GPC6: variants seen among roughly 807,000 people sequenced by gnomAD.
The protein encoded by GPC6 is glypican 6, also known as glypican-6.
Under a neutral mutation model 55.2 loss-of-function variants are expected in GPC6, and 14 were observed. The ratio of observed to expected loss-of-function variants is 0.25; its 90% CI spans 0.17 to 0.40. The LOEUF is 0.40. Among genes scored for constraint, GPC6 ranks in the 10% least tolerant of loss-of-function variants. GPC6 has a pLI of 1.00. For synonymous variants in GPC6, 278 were observed against 259.6 expected, an observed-to-expected ratio of 1.07 and a Z score of -0.68; for missense variants, 641 against 708.5, an observed-to-expected ratio of 0.90 and a Z score of 1.08.
At position 94,091,732 on chromosome 13, in the gene GPC6, A is replaced by C. The variant is rs999232759; in HGVS notation, c.877+63838A>C. Reference sequence around the variant, plus strand: ...CAGTCCCTACCCATTAAAATATGAAAGATGATGATGACCAGAAGATATGGG... The same window carrying C: ...CAGTCCCTACCCATTAAAATATGAACGATGATGATGACCAGAAGATATGGG... On this transcript the variant is annotated intron_variant, in intron 4 of 8. Coordinates refer to ENST00000377047, the MANE Select transcript of GPC6 (RefSeq NM_005708.5). 3.9e-5 allele frequency among the ~76,000 whole-genome samples: 6 copies of C among 152,104 alleles called. No individual in the cohort carries two copies. The South Asian group carries it at 1.2e-3, about 31-fold the overall frequency.
intron 1 of GPC6, among the ~76,000 whole-genome samples, chr13:93,339,463 A>G (rs1209495557): frequency 2.0e-5 from 3 of 151,678 alleles, no homozygotes; most frequent in Non-Finnish European, 4.4e-5. Context: ...AGCTCCAGTC[A>G]GGTCAGCACT....
Position 93,930,275 on chromosome 13 carries a change from G to GTT in GPC6, c.712-97442_712-97441dup, listed in dbSNP as rs35858695. Among the ~76,000 whole-genome samples, 168 of 123,804 alleles carry GTT rather than the reference G, an allele frequency of 1.4e-3. 1 individual carries two copies. The highest frequency in any genetic ancestry group is 1.5e-3 in the African/African-American group (47 of 31,296). 81.2% of individuals were successfully genotyped at this position (123,804 alleles called of 152,430 possible). Reference sequence around the variant, plus strand: ...TTTTAAAGGTTATTGGAAACGAAAGGTTTTTTTTTTTTTGTAGACAGAGTC... The same window carrying GTT: ...TTTTAAAGGTTATTGGAAACGAAAGGTTTTTTTTTTTTTTTGTAGACAGAGTC... On this transcript the variant is annotated intron_variant, in intron 3 of 8. Coordinates refer to ENST00000377047, the MANE Select transcript of GPC6 (RefSeq NM_005708.5).
At chr13:93,718,151 G>A (rs1272850885) in intron 2 of GPC6, among the ~76,000 whole-genome samples, 2 of 151,804 alleles carry the variant, frequency 1.3e-5, no homozygotes, top group African/African-American at 2.4e-5. Context: ...GGGTCAAATG[G>A]TATTTCTAGT....
chr13:93,951,465 GATGAATGA>G (rs541591095), intron 3 of GPC6, among the ~76,000 whole-genome samples: 3 of 151,986 alleles, frequency 2.0e-5, no homozygotes, highest in Admixed American at 1.3e-4. Flanking sequence ...ATGAATAAAT[GATGAATGA>G]ATGAATGAAT....
intron 1 of GPC6, among the ~76,000 whole-genome samples, chr13:93,535,682 A>G (rs1376230752): frequency 7.2e-6 from 1 of 139,508 alleles, no homozygotes; most frequent in East Asian, 2.2e-4. Context: ...ATACTTTTTT[A>G]GGAAAAAAAA....
intron 1 of GPC6, among the ~76,000 whole-genome samples, chr13:93,335,656 A>G (rs1229981618): frequency 6.6e-6 from 1 of 152,210 alleles, no homozygotes; most frequent in Non-Finnish European, 1.5e-5. Flanking sequence ...TGACTTAGAT[A>G]GGCCTTGCAG....
intron 2 of GPC6, among the ~76,000 whole-genome samples, chr13:93,760,752 A>C (rs2138876391): frequency 6.6e-6 from 1 of 152,294 alleles, no homozygotes; most frequent in South Asian, 2.1e-4. Flanking sequence ...AATTCTAGCA[A>C]ATGATTACAT....
At chr13:93,829,004 A>T (rs1422586980) in intron 2 of GPC6, among the ~76,000 whole-genome samples, 1 of 152,154 alleles carries the variant, frequency 6.6e-6, no homozygotes, top group Non-Finnish European at 1.5e-5. Flanking sequence ...CCCAGAAAGG[A>T]GAAGAGTCCT....
chr13:93,239,110 G>A (rs1305634748), intron 1 of GPC6, among the ~76,000 whole-genome samples: 1 of 151,986 alleles, frequency 6.6e-6, no homozygotes, highest in African/African-American at 2.4e-5. Context: ...CATAGGATGA[G>A]TTAGGATTTC....
intron 1 of GPC6, among the ~76,000 whole-genome samples, chr13:93,508,998 G>A (rs1594223743): frequency 6.6e-6 from 1 of 152,158 alleles, no homozygotes; most frequent in Non-Finnish European, 1.5e-5. Flanking sequence ...CCTGTTGAGA[G>A]GTGACTCCAC....
At chr13:93,800,215 T>C (rs1886327294) in intron 2 of GPC6, among the ~76,000 whole-genome samples, 1 of 152,218 alleles carries the variant, frequency 6.6e-6, no homozygotes, top group South Asian at 2.1e-4. Context: ...TGAGATTATA[T>C]ATTTACATGA....
intron 3 of GPC6, among the ~76,000 whole-genome samples, chr13:93,946,565 A>C (rs569288323): frequency 6.6e-6 from 1 of 152,366 alleles, no homozygotes; most frequent in Admixed American, 6.5e-5. Context: ...AAGGACACAC[A>C]GTTTACATCC....
intron 2 of GPC6, among the ~76,000 whole-genome samples, chr13:93,774,360 C>T (rs1360682411): frequency 6.6e-6 from 1 of 152,118 alleles, no homozygotes; most frequent in Non-Finnish European, 1.5e-5. Context: ...TTTCACTTCT[C>T]CTTAGAGCTA....
chr13:93,334,090 T>C (rs1879957205), intron 1 of GPC6, among the ~76,000 whole-genome samples: 1 of 152,140 alleles, frequency 6.6e-6, no homozygotes, highest in Admixed American at 6.5e-5. Context: ...TTTTCATTTA[T>C]TTCTATATAG....
chr13:94,378,301 A>T (rs1476646801), intron 6 of GPC6, among the ~76,000 whole-genome samples: 1 of 152,058 alleles, frequency 6.6e-6, no homozygotes, highest in Non-Finnish European at 1.5e-5. Context: ...CTGTAAACTG[A>T]TTTTTTTAAG....
chr13:93,916,499 A>G (rs1207532325), intron 3 of GPC6, among the ~76,000 whole-genome samples: 2 of 152,032 alleles, frequency 1.3e-5, no homozygotes, highest in Non-Finnish European at 2.9e-5. Context: ...TTATCCCCCA[A>G]ACTCCAACAT....
chr13:93,635,304 C>T (rs967600657), intron 2 of GPC6, among the ~76,000 whole-genome samples: 2 of 151,912 alleles, frequency 1.3e-5, no homozygotes, highest in African/African-American at 4.8e-5. Context: ...CCTTTTGTAA[C>T]GTGGACACAT....
intron 6 of GPC6, among the ~76,000 whole-genome samples, chr13:94,314,923 C>A (rs953998911): frequency 3.9e-5 from 6 of 152,160 alleles, no homozygotes; most frequent in African/African-American, 1.4e-4. Flanking sequence ...CAATAAACCT[C>A]AGACATAAAC....
chr13:93,252,038 A>G (rs1876802584), intron 1 of GPC6, among the ~76,000 whole-genome samples: 1 of 152,192 alleles, frequency 6.6e-6, no homozygotes, highest in African/African-American at 2.4e-5. Flanking sequence ...CGATTTGTTG[A>G]AACCAGTGGT....
Sources: gnomAD v4.1 joint callset for allele counts (sites outside exome capture counted in the v4.1 genomes callset) on GRCh38, gnomAD v4.1.1 for gene constraint, MANE v1.5 for transcripts, NCBI Gene and HGNC (gene_info 2026-07-23, HGNC 2026-07-21) for gene names.